Variants in KCNH5 observed in about 807,000 individuals in gnomAD.
KCNH5 encodes the protein voltage-gated delayed rectifier potassium channel KCNH5.
A neutral mutation model predicts 96.1 loss-of-function variants in KCNH5; 46 were observed. The observed-to-expected ratio is 0.48, with a 90% confidence interval of 0.38 to 0.61. The LOEUF (loss-of-function observed/expected upper bound fraction) is 0.61. KCNH5 is among the 20% of genes least tolerant of loss of function. The pLI is 0.00. For missense variants in KCNH5, 907 were observed against 1,225.8 expected, an observed-to-expected ratio of 0.74 and a Z score of 3.88; for synonymous variants, 439 against 449.8, an observed-to-expected ratio of 0.98 and a Z score of 0.30.
chr14:62,998,904 A>C (rs570523081), intron 4 of KCNH5, among the ~76,000 whole-genome samples: 2 of 152,298 alleles, frequency 1.3e-5, no homozygotes, highest in Non-Finnish European at 2.9e-5. Flanking sequence ...TTGTGAGGTG[A>C]AGAATATGTA....
intron 10 of KCNH5, among the ~76,000 whole-genome samples, chr14:62,731,450 T>A (rs1255442722): frequency 2.0e-5 from 3 of 152,072 alleles, no homozygotes; most frequent in African/African-American, 7.2e-5. Flanking sequence ...ACAACATTAA[T>A]TAGTTAACTC....
chr14:62,833,836 T>C (rs1250228642), intron 8 of KCNH5, among the ~76,000 whole-genome samples: 1 of 152,008 alleles, frequency 6.6e-6, no homozygotes, highest in Non-Finnish European at 1.5e-5. Context: ...AATCTCCACG[T>C]ATGTATGAGG....
intron 7 of KCNH5, among the ~76,000 whole-genome samples, chr14:62,877,281 T>C (rs531478864): frequency 6.6e-6 from 1 of 151,584 alleles, no homozygotes; most frequent in Non-Finnish European, 1.5e-5. Flanking sequence ...GACATAGGCA[T>C]GGGCAAGGAC....
rs1034979568 is a variant in KCNH5 at position 62,828,051 on chromosome 14, T to C, written c.1569+21602A>G. Among the ~76,000 whole-genome samples, 5 of 152,142 alleles carry C rather than the reference T, an allele frequency of 3.3e-5. No individual in the cohort carries two copies. In the South Asian group the frequency reaches 1.0e-3, roughly 31 times the overall value. ...AGACAAAATGTGGGCACCTTATAAATGAAGTCAGTCTTCATTTATAAGATT... is the reference window on the plus strand; with the variant it reads ...AGACAAAATGTGGGCACCTTATAAACGAAGTCAGTCTTCATTTATAAGATT... On this transcript the variant is annotated intron_variant, in intron 8 of 10. Coordinates refer to ENST00000322893, the MANE Select transcript of KCNH5 (RefSeq NM_139318.5).
intron 7 of KCNH5, among the ~76,000 whole-genome samples, chr14:62,867,163 C>T (rs1344858711): frequency 1.3e-5 from 2 of 152,172 alleles, no homozygotes; most frequent in African/African-American, 2.4e-5. Context: ...ACTGGCAGAG[C>T]CCCGTCATGT....
intron 8 of KCNH5, among the ~76,000 whole-genome samples, chr14:62,847,620 AT>A (rs1244223402): frequency 6.6e-6 from 1 of 152,170 alleles, no homozygotes; most frequent in Non-Finnish European, 1.5e-5. Context: ...TACATCCATG[AT>A]TTTTTCTTAT....
At chr14:62,840,717 G>T (rs1313356206) in intron 8 of KCNH5, among the ~76,000 whole-genome samples, 3 of 151,110 alleles carry the variant, frequency 2.0e-5, no homozygotes, top group African/African-American at 7.3e-5. Context: ...TTACAAGTAC[G>T]CGCCACCACA....
chr14:62,818,089 T>C (rs966532380), intron 8 of KCNH5, among the ~76,000 whole-genome samples: 1 of 38,144 alleles, frequency 2.6e-5, no homozygotes, highest in Admixed American at 3.8e-4. Flanking sequence ...GGGTAAAGGG[T>C]GGCTACCAGG....
At chr14:63,006,502 T>G in intron 2 of KCNH5, 30 bp from the exon 3 acceptor site, 1 of 1,315,554 alleles carries the variant, frequency 7.6e-7, no homozygotes, top group Non-Finnish European at 1.1e-6. Context: ...AACAATCGAT[T>G]TCACTTTTGT....
chr14:62,760,923 G>C (rs1885733862), intron 10 of KCNH5, among the ~76,000 whole-genome samples: 1 of 152,196 alleles, frequency 6.6e-6, no homozygotes, highest in African/African-American at 2.4e-5. Context: ...TTTGCAAAAT[G>C]TATATAATGC....
intron 4 of KCNH5, among the ~76,000 whole-genome samples, chr14:62,989,924 C>G (rs192308036): frequency 2.1e-4 from 32 of 152,042 alleles, no homozygotes; most frequent in African/African-American, 7.7e-4. Context: ...TATAATTTTA[C>G]CTGGTGATAA....
intron 9 of KCNH5, among the ~76,000 whole-genome samples, chr14:62,787,868 T>G (rs8007544): frequency 0.039 from 6,013 of 152,250 alleles, 233 homozygotes; most frequent in African/African-American, 0.1. Context: ...GAAAAAAAGA[T>G]TCATTTGAAA....
chr14:62,872,268 T>C (rs1331693496), intron 7 of KCNH5, among the ~76,000 whole-genome samples: 1 of 152,216 alleles, frequency 6.6e-6, no homozygotes, highest in Non-Finnish European at 1.5e-5. Flanking sequence ...ATGGTATTAT[T>C]TTAAAAAAGA....
intron 9 of KCNH5, among the ~76,000 whole-genome samples, chr14:62,793,630 C>T (rs746137131): frequency 8.6e-5 from 13 of 151,392 alleles, no homozygotes; most frequent in Non-Finnish European, 1.9e-4. Context: ...TTTCCTTTAC[C>T]TTATGCTATA....
chr14:63,045,289 C>A lies in KCNH5; in HGVS notation c.-103G>T, dbSNP rs1239280222. 4 of 961,324 alleles carry A rather than the reference C, an allele frequency of 4.2e-6. No individual in the cohort carries two copies. In the Admixed American group the frequency reaches 5.7e-5, roughly 14 times the overall value. 59.5% of individuals were successfully genotyped at this position (961,324 alleles called of 1,614,324 possible). A position where few individuals can be genotyped will look rare whatever the true frequency, so the allele number is the denominator to read the frequency against. ...GGAAAAGGTGGAAGAGAAGATTGAG[C>A]CGAAAGAAGAGGGGGCGCGGCGGCG... On this transcript the variant is annotated 5_prime_UTR_variant, in exon 1 of 11. Transcript: ENST00000322893.
intron 4 of KCNH5, among the ~76,000 whole-genome samples, chr14:62,996,214 C>T (rs1465386693): frequency 6.6e-6 from 1 of 152,134 alleles, no homozygotes; most frequent in Non-Finnish European, 1.5e-5. Flanking sequence ...GACTTAATGG[C>T]ATAAATATTT....
intron 9 of KCNH5, among the ~76,000 whole-genome samples, chr14:62,799,912 G>A (rs1390672475): frequency 1.4e-5 from 2 of 143,576 alleles, no homozygotes; most frequent in Non-Finnish European, 3.0e-5. Flanking sequence ...TTTTCATTAA[G>A]CATGCAATTA....
intron 8 of KCNH5, among the ~76,000 whole-genome samples, chr14:62,817,757 T>TAA (rs1566670401): frequency 6.8e-6 from 1 of 146,640 alleles, no homozygotes; most frequent in Non-Finnish European, 1.5e-5. Flanking sequence ...TAGGAATATA[T>TAA]TATATTCCTA....
At chr14:62,742,058 C>A (rs1483055139) in intron 10 of KCNH5, among the ~76,000 whole-genome samples, 1 of 152,036 alleles carries the variant, frequency 6.6e-6, no homozygotes, top group Non-Finnish European at 1.5e-5. Context: ...TAATATCTTC[C>A]TCAAAGGCCT....
Sources: gnomAD v4.1 joint callset for allele counts (sites outside exome capture counted in the v4.1 genomes callset) on GRCh38, gnomAD v4.1.1 for gene constraint, MANE v1.5 for transcripts, NCBI Gene and HGNC (gene_info 2026-07-23, HGNC 2026-07-21) for gene names.